The following DYTN variants were observed in gnomAD, a reference collection of about 807,000 sequenced individuals.
DYTN encodes dystrotelin.
In DYTN, 75 loss-of-function variants were observed where a neutral mutation model predicts 69.6. The ratio of observed to expected loss-of-function variants is 1.08; its 90% CI spans 0.89 to 1.31. The LOEUF (loss-of-function observed/expected upper bound fraction) is 1.31. Ranked by LOEUF, DYTN falls within the 50% of genes most tolerant of loss-of-function variation. DYTN has a pLI of 0.00. For synonymous variants in DYTN, 252 were observed against 249.1 expected (o/e 1.01, Z -0.11); for missense variants, 726 against 688.4 (o/e 1.05, Z -0.61).
intron 11 of DYTN, 74 bp downstream of exon 11, chr2:206,662,829 T>C: frequency 6.5e-7 from 1 of 1,537,638 alleles, no homozygotes; most frequent in Non-Finnish European, 8.7e-7. Flanking sequence ...GTTGGGCTGT[T>C]ATAAAATCAA....
chr2:206,654,561 G>A (rs1699425300), intron 11 of DYTN, among the ~76,000 whole-genome samples: 1 of 152,086 alleles, frequency 6.6e-6, no homozygotes, highest in African/African-American at 2.4e-5. Context: ...GTAGGCTATT[G>A]GTAGTTAAGT....
intron 5 of DYTN, among the ~76,000 whole-genome samples, chr2:206,703,254 C>A (rs1285867033): frequency 6.6e-6 from 1 of 152,146 alleles, no homozygotes; most frequent in African/African-American, 2.4e-5. Flanking sequence ...CAGCTCATCC[C>A]CTTTCATCAC....
At chr2:206,684,466 A>G (rs1024020160) in intron 9 of DYTN, among the ~76,000 whole-genome samples, 13 of 152,008 alleles carry the variant, frequency 8.6e-5, no homozygotes, top group Non-Finnish European at 1.6e-4. Context: ...CACCACACCC[A>G]GCTAATTTTA....
chr2:206,716,303 G>A (rs1355163909), intron 1 of DYTN, among the ~76,000 whole-genome samples: 1 of 152,072 alleles, frequency 6.6e-6, no homozygotes, highest in South Asian at 2.1e-4. Flanking sequence ...GCTGAACCAG[G>A]CCAGAGCCAC....
chr2:206,683,339 C>CTTTTTTTTTTT (rs10531348), intron 9 of DYTN, among the ~76,000 whole-genome samples: 8 of 111,932 alleles, frequency 7.1e-5, no homozygotes, highest in Non-Finnish European at 1.1e-4. Flanking sequence ...TTTACTTTTT[C>CTTTTTTTTTTT]TTTTTTTTTT....
intron 11 of DYTN, among the ~76,000 whole-genome samples, chr2:206,656,070 A>C (rs1699444331): frequency 1.3e-5 from 2 of 152,032 alleles, no homozygotes; most frequent in Admixed American, 6.6e-5. Flanking sequence ...TCATTATTGA[A>C]AGTGGTTTAT....
At chr2:206,655,156 T>C (rs1261004942) in intron 11 of DYTN, among the ~76,000 whole-genome samples, 7 of 152,198 alleles carry the variant, frequency 4.6e-5, no homozygotes, top group African/African-American at 9.6e-5. Flanking sequence ...AGATAATTTC[T>C]TTCTATTCCT....
In DYTN at chr2:206,675,144, T is replaced by A. The variant is rs147897201; in HGVS notation, c.981-9115A>T. 9.2e-3 allele frequency among the ~76,000 whole-genome samples: 1,221 copies of A among 132,446 alleles called. 19 individuals carry two copies. The highest frequency in any genetic ancestry group is 0.032 in the African/African-American group (1,178 of 36,574). The allele number at this position is 132,446 out of a possible 152,430, so 86.9% of individuals were successfully genotyped here. On this transcript the variant is annotated intron_variant, in intron 9 of 11. Transcript: ENST00000452335. Reference sequence around the variant, plus strand: ...GTGTGTGTGTGTGTGTGTGTGTGTGTGTATATATGTGTATATATATTTAAA... The same window carrying A: ...GTGTGTGTGTGTGTGTGTGTGTGTGAGTATATATGTGTATATATATTTAAA...
chr2:206,694,632 C>T, intron 8 of DYTN, 134 bp downstream of exon 8: 1 of 567,372 alleles, frequency 1.8e-6, no homozygotes, highest in Non-Finnish European at 2.8e-6. Flanking sequence ...GAGTTTGCCA[C>T]TTGCTTAGTC....
chr2:206,684,644 GTTGAGCATCTTT>G (rs1374060234), intron 9 of DYTN, among the ~76,000 whole-genome samples: 1 of 152,158 alleles, frequency 6.6e-6, no homozygotes, highest in Admixed American at 6.5e-5. Flanking sequence ...CAATAGAGAG[GTTGAGCATCTTT>G]TTGGGTGTCT....
intron 5 of DYTN, among the ~76,000 whole-genome samples, 158 bp from the exon 6 acceptor site, chr2:206,700,374 C>T (rs1021907097): frequency 3.3e-5 from 5 of 151,936 alleles, no homozygotes; most frequent in South Asian, 2.1e-4. Flanking sequence ...CAAAGAAATG[C>T]GTGGGTTTTG....
At position 206,673,239 on chromosome 2, in the gene DYTN, A is replaced by T. The variant is rs116061325; in HGVS notation, c.981-7210T>A. ...TTCTGAACATTTTACTGACATATGC[A>T]TGCATTGGTTCTCCTATTTTTTATT... is the stretch of plus-strand genomic sequence containing the variant. On this transcript the variant is annotated intron_variant, in intron 9 of 11. Coordinates refer to ENST00000452335, the MANE Select transcript of DYTN (RefSeq NM_001093730.1). Among the ~76,000 whole-genome samples, 1,484 of 152,090 alleles carry T rather than the reference A, an allele frequency of 9.8e-3. 25 individuals carry two copies. The highest frequency in any genetic ancestry group is 0.032 in the African/African-American group (1,341 of 41,474).
chr2:206,707,278 A>AC (rs747666234), intron 3 of DYTN, 24 bp downstream of exon 3: 1 of 1,602,756 alleles, frequency 6.2e-7, no homozygotes, highest in South Asian at 1.1e-5. Context: ...CTTTGAGGTC[A>AC]CAGCGCGACG....
chr2:206,684,580 C>T (rs745789274), intron 9 of DYTN, among the ~76,000 whole-genome samples: 1 of 152,214 alleles, frequency 6.6e-6, no homozygotes, highest in Non-Finnish European at 1.5e-5. Context: ...CCTTCAGCCT[C>T]CCAAAGTTCT....
intron 9 of DYTN, among the ~76,000 whole-genome samples, chr2:206,667,739 T>C (rs899214476): frequency 2.0e-5 from 3 of 150,634 alleles, no homozygotes; most frequent in Admixed American, 6.6e-5. Context: ...TGTTGACATG[T>C]CTTCTGGATC....
intron 1 of DYTN, among the ~76,000 whole-genome samples, chr2:206,717,790 G>A (rs564750648): frequency 1.3e-5 from 2 of 152,264 alleles, no homozygotes; most frequent in East Asian, 1.9e-4. Context: ...GGCATTCAGC[G>A]ATGTTAGAAG....
chr2:206,702,053 C>T (rs978460440), intron 5 of DYTN, among the ~76,000 whole-genome samples: 1 of 152,170 alleles, frequency 6.6e-6, no homozygotes, highest in African/African-American at 2.4e-5. Flanking sequence ...GAGGAGTTTC[C>T]ATGAAGCTTT....
At chr2:206,675,543 G>C (rs1699677744) in intron 9 of DYTN, among the ~76,000 whole-genome samples, 1 of 151,808 alleles carries the variant, frequency 6.6e-6, no homozygotes, top group Admixed American at 6.6e-5. Context: ...ATCACAATAT[G>C]ACAGGAAATC....
intron 9 of DYTN, among the ~76,000 whole-genome samples, chr2:206,668,887 C>G (rs2105890045): frequency 6.6e-6 from 1 of 152,190 alleles, no homozygotes; most frequent in Middle Eastern, 3.4e-3. Context: ...CTGGCGTTTC[C>G]CCCGCTTGTC....
Sources: gnomAD v4.1 joint callset for allele counts (sites outside exome capture counted in the v4.1 genomes callset) on GRCh38, gnomAD v4.1.1 for gene constraint, MANE v1.5 for transcripts, NCBI Gene and HGNC (gene_info 2026-07-23, HGNC 2026-07-21) for gene names.